MYT1L: variants seen among roughly 807,000 people sequenced by gnomAD.
MYT1L encodes myelin transcription factor 1 like, also known as myelin transcription factor 1-like protein.
In MYT1L, 12 loss-of-function variants were observed where a neutral mutation model predicts 126.7. That is an observed-to-expected ratio of 0.09 (90% CI 0.06 to 0.15). The LOEUF is 0.15. Ranked by LOEUF, MYT1L falls within the 10% of genes least tolerant of loss-of-function variation. The pLI is 1.00. For synonymous variants in MYT1L, 541 were observed against 604.2 expected, an observed-to-expected ratio of 0.90 and a Z score of 1.53; for missense variants, 979 against 1,585.2, an observed-to-expected ratio of 0.62 and a Z score of 6.49.
intron 3 of MYT1L, among the ~76,000 whole-genome samples, chr2:2,145,807 TA>T (rs1406476906): frequency 3.3e-5 from 5 of 152,260 alleles, no homozygotes; most frequent in Non-Finnish European, 7.3e-5. Context: ...GTTAATTATA[TA>T]AATTAATTTG....
chr2:2,250,160 C>A (rs115754344), intron 2 of MYT1L, among the ~76,000 whole-genome samples: 1 of 152,104 alleles, frequency 6.6e-6, no homozygotes, highest in Admixed American at 6.5e-5. Context: ...ATTCAGCACT[C>A]CCATTGCTAG....
At chr2:1,835,133 A>G (rs1050880743) in intron 21 of MYT1L, among the ~76,000 whole-genome samples, 7 of 152,058 alleles carry the variant, frequency 4.6e-5, no homozygotes, top group African/African-American at 1.5e-4. Context: ...GGATACAGGT[A>G]CTCCTCCACA....
At chr2:2,280,026 A>G (rs968756909) in intron 2 of MYT1L, among the ~76,000 whole-genome samples, 1 of 152,256 alleles carries the variant, frequency 6.6e-6, no homozygotes, top group East Asian at 1.9e-4. Context: ...AAGAAGTAGT[A>G]AAAACATGTA....
Position 2,071,328 on chromosome 2 carries a change from T to G in MYT1L, c.-303-17205A>C, listed in dbSNP as rs959365555. Among the ~76,000 whole-genome samples, 3 of 152,306 alleles carry G rather than the reference T, an allele frequency of 2.0e-5. No individual in the cohort carries two copies. The South Asian group carries it at 6.2e-4, about 32-fold the overall frequency. ...AGGATAATGTTTAATCATCACTGAT[T>G]CATTAATTTGGTCAGATATCCACCA... On this transcript the variant is annotated intron_variant, in intron 3 of 24. Transcript: ENST00000647738.
intron 4 of MYT1L, among the ~76,000 whole-genome samples, chr2:2,044,375 T>C (rs570363393): frequency 1.2e-4 from 18 of 152,362 alleles, no homozygotes; most frequent in African/African-American, 4.3e-4. Flanking sequence ...AAGCGTAAAG[T>C]TGCAAATGCA....
chr2:2,196,600 C>T (rs981646006), intron 2 of MYT1L, among the ~76,000 whole-genome samples: 2 of 151,618 alleles, frequency 1.3e-5, no homozygotes, highest in Non-Finnish European at 2.9e-5. Flanking sequence ...ACCTCACCTA[C>T]AGTAACACAC....
intron 2 of MYT1L, among the ~76,000 whole-genome samples, chr2:2,195,570 G>A (rs528303199): frequency 2.8e-4 from 42 of 152,324 alleles, no homozygotes; most frequent in Non-Finnish European, 2.9e-4. Flanking sequence ...TGACATGATA[G>A]ATTTGACCAA....
chr2:1,954,258 C>G (rs10191292), intron 8 of MYT1L, among the ~76,000 whole-genome samples: 1 of 152,098 alleles, frequency 6.6e-6, no homozygotes, highest in Non-Finnish European at 1.5e-5. Context: ...ATACGGCAAA[C>G]GCGAGGCTGC....
intron 4 of MYT1L, among the ~76,000 whole-genome samples, chr2:2,051,456 C>T (rs1167250693): frequency 6.6e-6 from 1 of 152,148 alleles, no homozygotes; most frequent in Non-Finnish European, 1.5e-5. Context: ...TGACTGAGTA[C>T]CTAATACGGC....
chr2:2,043,350 G>A (rs1423558131), intron 4 of MYT1L, among the ~76,000 whole-genome samples: 1 of 152,080 alleles, frequency 6.6e-6, no homozygotes, highest in Non-Finnish European at 1.5e-5. Context: ...CAATGGGAAT[G>A]CCATGAAATT....
chr2:2,010,139 G>A lies in MYT1L; in HGVS notation c.-157-12792C>T, dbSNP rs2063688916. On this transcript the variant is annotated intron_variant, in intron 4 of 24. Coordinates refer to ENST00000647738, the MANE Select transcript of MYT1L (RefSeq NM_001303052.2). ...TGGGGTAAAATGGAGAGTACACCAA[G>A]GCAGTGCCCATCTGGCAGAACTTCA... 2.0e-5 allele frequency among the ~76,000 whole-genome samples: 3 copies of A among 152,266 alleles called. No homozygotes were observed. The South Asian group carries it at 6.2e-4, about 32-fold the overall frequency.
At chr2:2,188,484 C>A (rs2092363646) in intron 2 of MYT1L, among the ~76,000 whole-genome samples, 2 of 152,158 alleles carry the variant, frequency 1.3e-5, no homozygotes, top group African/African-American at 4.8e-5. Flanking sequence ...GTGCTTAATG[C>A]CAAATTATGT....
intron 5 of MYT1L, among the ~76,000 whole-genome samples, chr2:1,980,866 C>A (rs2060555039): frequency 6.6e-6 from 1 of 152,138 alleles, no homozygotes; most frequent in Non-Finnish European, 1.5e-5. Flanking sequence ...AGCAGGAGAA[C>A]TCTACTCAAG....
intron 2 of MYT1L, among the ~76,000 whole-genome samples, chr2:2,253,691 G>T (rs2094722563): frequency 1.3e-5 from 2 of 152,074 alleles, no homozygotes; most frequent in South Asian, 4.1e-4. Context: ...AGCAGGGCAG[G>T]AGAGCAAGTC....
intron 1 of MYT1L, among the ~76,000 whole-genome samples, chr2:2,285,713 T>C (rs775035544): frequency 3.9e-5 from 6 of 152,218 alleles, no homozygotes; most frequent in Non-Finnish European, 7.3e-5. Flanking sequence ...ACTGCTCCCA[T>C]TTCCGAGTAT....
intron 8 of MYT1L, among the ~76,000 whole-genome samples, chr2:1,964,802 A>G (rs1188512612): frequency 6.6e-6 from 1 of 152,148 alleles, no homozygotes; most frequent in East Asian, 1.9e-4. Context: ...AACACTCACT[A>G]AACAGGTGTC....
At chr2:2,179,411 G>T (rs779670250) in intron 2 of MYT1L, among the ~76,000 whole-genome samples, 6 of 152,064 alleles carry the variant, frequency 3.9e-5, no homozygotes, top group Non-Finnish European at 8.8e-5. Flanking sequence ...CCCGAAACCT[G>T]TTCCTCCTCC....
intron 2 of MYT1L, among the ~76,000 whole-genome samples, chr2:2,274,946 C>T (rs529103420): frequency 2.8e-4 from 43 of 152,124 alleles, no homozygotes; most frequent in African/African-American, 9.6e-4. Flanking sequence ...CGTATTGATC[C>T]CTATGTAGTG....
intron 3 of MYT1L, among the ~76,000 whole-genome samples, chr2:2,161,733 T>G (rs986516034): frequency 6.6e-6 from 1 of 152,068 alleles, no homozygotes; most frequent in African/African-American, 2.4e-5. Flanking sequence ...GCCTCAGAGG[T>G]GGATGCATCA....
Sources: gnomAD v4.1 joint callset for allele counts (sites outside exome capture counted in the v4.1 genomes callset) on GRCh38, gnomAD v4.1.1 for gene constraint, MANE v1.5 for transcripts, NCBI Gene and HGNC (gene_info 2026-07-23, HGNC 2026-07-21) for gene names.